Variants in GHR observed in about 807,000 individuals in gnomAD.
GHR encodes the protein growth hormone receptor.
A neutral mutation model predicts 67.1 loss-of-function variants in GHR; 35 were observed. The observed-to-expected ratio is 0.52, with a 90% confidence interval of 0.40 to 0.69. The LOEUF is 0.69. Ranked by LOEUF, GHR falls within the 30% of genes least tolerant of loss-of-function variation. The probability of loss-of-function intolerance (pLI) is 0.00; values close to 1 mark genes in which losing one functional copy is unlikely to be tolerated. For synonymous variants in GHR, 272 were observed against 269.1 expected (o/e 1.01, Z -0.10); for missense variants, 792 against 764.6 (o/e 1.04, Z -0.42).
chr5:42,482,838 G>T (rs1018453654), intron 1 of GHR, among the ~76,000 whole-genome samples: 1 of 152,202 alleles, frequency 6.6e-6, no homozygotes, highest in African/African-American at 2.4e-5. Flanking sequence ...CCCAGGTGAG[G>T]CGATGCCTCG....
chr5:42,699,498 T>C (rs1346842454), intron 5 of GHR, among the ~76,000 whole-genome samples: 1 of 152,196 alleles, frequency 6.6e-6, no homozygotes, highest in Non-Finnish European at 1.5e-5. Flanking sequence ...TGAAAATAAA[T>C]TCCTTTGCCA....
chr5:42,603,583 T>C (rs554450443), intron 2 of GHR, among the ~76,000 whole-genome samples: 1 of 152,328 alleles, frequency 6.6e-6, no homozygotes, highest in Admixed American at 6.5e-5. Flanking sequence ...CAATAATCTG[T>C]TTTTGAGTTA....
chr5:42,681,282 C>T (rs1056666995), intron 3 of GHR, among the ~76,000 whole-genome samples: 1 of 148,126 alleles, frequency 6.8e-6, no homozygotes, highest in African/African-American at 2.5e-5. Context: ...AAAAAACCAT[C>T]AAAAAGTGGG....
At chr5:42,572,910 T>C (rs1750413401) in intron 2 of GHR, among the ~76,000 whole-genome samples, 1 of 152,148 alleles carries the variant, frequency 6.6e-6, no homozygotes, top group Non-Finnish European at 1.5e-5. Context: ...TTTGTTGTGT[T>C]TCCCTCTTCT....
Position 42,648,524 on chromosome 5 carries a change from C to A in GHR, c.136+19421C>A, listed in dbSNP as rs145298976. Reference sequence around the variant, plus strand: ...TGTCTTCCTGACTTCTTCTCTATTCCTGGCTTTTCTTAGATTGTTATTCCT... The same window carrying A: ...TGTCTTCCTGACTTCTTCTCTATTCATGGCTTTTCTTAGATTGTTATTCCT... On this transcript the variant is annotated intron_variant, in intron 3 of 9. Transcript: ENST00000230882. Among the ~76,000 whole-genome samples, 794 of 152,212 alleles carry A rather than the reference C, an allele frequency of 5.2e-3. 3 individuals are homozygous for A. The highest frequency in any genetic ancestry group is 0.019 in the African/African-American group (770 of 41,546).
intron 2 of GHR, among the ~76,000 whole-genome samples, chr5:42,582,109 G>A (rs1751206164): frequency 6.6e-6 from 1 of 152,260 alleles, no homozygotes; most frequent in South Asian, 2.1e-4. Flanking sequence ...GACTGAGAGG[G>A]CACTAAGGGG....
At chr5:42,683,972 T>C (rs943546826) in intron 3 of GHR, among the ~76,000 whole-genome samples, 1 of 152,138 alleles carries the variant, frequency 6.6e-6, no homozygotes, top group Admixed American at 6.5e-5. Context: ...TAAGTTTTTT[T>C]TTTTGTTTCA....
At chr5:42,674,234 T>C (rs770473645) in intron 3 of GHR, among the ~76,000 whole-genome samples, 1 of 152,192 alleles carries the variant, frequency 6.6e-6, no homozygotes, top group Non-Finnish European at 1.5e-5. Flanking sequence ...TGAGCTGTGA[T>C]TTTTAAACTG....
chr5:42,474,886 C>G (rs1376501347), intron 1 of GHR, among the ~76,000 whole-genome samples: 1 of 122,190 alleles, frequency 8.2e-6, no homozygotes, highest in African/African-American at 3.1e-5. Flanking sequence ...TTTTTTTGCC[C>G]TTTTTTTTTT....
intron 1 of GHR, among the ~76,000 whole-genome samples, chr5:42,449,973 C>T (rs910003048): frequency 1.3e-5 from 2 of 152,006 alleles, no homozygotes; most frequent in African/African-American, 4.8e-5. Flanking sequence ...TGGTATGAAA[C>T]CACTATATCC....
intron 1 of GHR, among the ~76,000 whole-genome samples, chr5:42,470,841 G>A (rs1290162638): frequency 6.6e-6 from 1 of 152,154 alleles, no homozygotes; most frequent in Non-Finnish European, 1.5e-5. Context: ...CCACTCAGGA[G>A]AGCTGCTTCT....
intron 1 of GHR, among the ~76,000 whole-genome samples, chr5:42,481,279 C>T (rs950830219): frequency 2.6e-5 from 4 of 152,224 alleles, no homozygotes; most frequent in African/African-American, 9.6e-5. Context: ...ATGGGCTTCC[C>T]TTTCTGGGTA....
chr5:42,511,145 C>T (rs578086307), intron 1 of GHR, among the ~76,000 whole-genome samples: 1 of 152,278 alleles, frequency 6.6e-6, no homozygotes, highest in East Asian at 1.9e-4. Context: ...TGAGCACCCA[C>T]CTTGTGACTT....
At chr5:42,562,341 G>A (rs988494416) in intron 1 of GHR, among the ~76,000 whole-genome samples, 1 of 152,184 alleles carries the variant, frequency 6.6e-6, no homozygotes, top group Non-Finnish European at 1.5e-5. Context: ...CAGTGGAAGA[G>A]AAGGGGAGGA....
chr5:42,433,210 G>T lies in GHR; in HGVS notation c.-12+9255G>T, dbSNP rs369099500. On this transcript the variant is annotated intron_variant, in intron 1 of 9. Coordinates refer to ENST00000230882, the MANE Select transcript of GHR (RefSeq NM_000163.5). The stretch of plus-strand genomic sequence containing the variant: ...GCCAGATCTTAGTATACTTATTATG[G>T]AGCATGACATTTTAATTCTCTTTGC... 1.8e-4 allele frequency among the ~76,000 whole-genome samples: 27 copies of T among 151,826 alleles called. 2 individuals carry two copies. The highest frequency in any genetic ancestry group is 6.0e-4 in the African/African-American group (25 of 41,376).
chr5:42,489,857 A>G (rs1035625183), intron 1 of GHR, among the ~76,000 whole-genome samples: 1 of 152,222 alleles, frequency 6.6e-6, no homozygotes, highest in East Asian at 1.9e-4. Flanking sequence ...GCAGTGTTGG[A>G]TATAGCCAGC....
At chr5:42,716,681 T>G (rs1374129983) in intron 8 of GHR, among the ~76,000 whole-genome samples, 1 of 152,238 alleles carries the variant, frequency 6.6e-6, no homozygotes, top group Non-Finnish European at 1.5e-5. Flanking sequence ...TATTACTTAT[T>G]TCTATATCTG....
chr5:42,562,644 CTTTTTTTTTT>C (rs1212633265), intron 1 of GHR, among the ~76,000 whole-genome samples: 41 of 77,736 alleles, frequency 5.3e-4, no homozygotes, highest in African/African-American at 2.3e-3. Context: ...GTTATAGTTC[CTTTTTTTTTT>C]TTTTTTTTTT....
chr5:42,576,814 T>C (rs539869271), intron 2 of GHR, among the ~76,000 whole-genome samples: 2 of 152,326 alleles, frequency 1.3e-5, no homozygotes, highest in African/African-American at 4.8e-5. Context: ...CTAATAAAAT[T>C]AAATCTGATT....
Sources: allele counts gnomAD v4.1 joint callset (sites outside exome capture counted in the v4.1 genomes callset), GRCh38; gene constraint gnomAD v4.1.1; transcripts MANE v1.5; gene names NCBI Gene and HGNC (gene_info 2026-07-23, HGNC 2026-07-21).